DZIP3: variants seen among roughly 807,000 people sequenced by gnomAD.
The protein encoded by DZIP3 is E3 ubiquitin-protein ligase DZIP3.
DZIP3 carries 118 observed loss-of-function variants against 162.0 expected under a neutral mutation model. The ratio of observed to expected loss-of-function variants is 0.73; its 90% CI spans 0.63 to 0.85. The LOEUF is 0.85. Among genes scored for constraint, DZIP3 ranks in the 40% least tolerant of loss-of-function variants. The pLI, the probability that DZIP3 is intolerant of heterozygous loss-of-function variation, is 0.00. For missense variants in DZIP3, 1,331 were observed against 1,407.0 expected, an observed-to-expected ratio of 0.95 and a Z score of 0.86; for synonymous variants, 438 against 458.6, an observed-to-expected ratio of 0.96 and a Z score of 0.57.
chr3:108,600,459 G>T (rs1939945862), intron 1 of DZIP3, among the ~76,000 whole-genome samples: 1 of 152,062 alleles, frequency 6.6e-6, no homozygotes, highest in Non-Finnish European at 1.5e-5. Context: ...TAAAGTAGAT[G>T]TATATGTGCT....
rs1465537951 is a variant in DZIP3, at chr3:108,620,307, A to C, written c.375+3650A>C. ...GCATGTATCAAAATTCCACACTTCC[A>C]GAAGAAAATCCCAGGTGCTCAGCAT... On this transcript the variant is annotated intron_variant, in intron 5 of 32. Transcript: ENST00000361582. 2.0e-5 allele frequency among the ~76,000 whole-genome samples: 3 copies of C among 152,314 alleles called. No homozygotes were observed. In the South Asian group the frequency reaches 6.2e-4, roughly 32 times the overall value.
chr3:108,635,397 A>C (rs764073985), intron 10 of DZIP3: 1 of 309,316 alleles, frequency 3.2e-6, no homozygotes, highest in Non-Finnish European at 6.3e-6. Flanking sequence ...GTGAAGAACA[A>C]GGACAAATTT....
intron 5 of DZIP3, among the ~76,000 whole-genome samples, chr3:108,622,880 C>CTGTGTGTGTGTGTG (rs1553703883): frequency 9.4e-5 from 5 of 53,082 alleles, no homozygotes; most frequent in African/African-American, 3.1e-4. Flanking sequence ...CTCTCTCTCT[C>CTGTGTGTGTGTGTG]TGTGTGTGTG....
chr3:108,635,079 T>TC, intron 10 of DZIP3, 107 bp downstream of exon 10: 2 of 615,752 alleles, frequency 3.2e-6, no homozygotes, highest in Non-Finnish European at 5.5e-6. Context: ...CTCCTGCTTT[T>TC]TACTTCCTCC....
intron 11 of DZIP3, 48 bp downstream of exon 11, chr3:108,636,756 T>A (rs751979755): frequency 8.9e-6 from 12 of 1,351,058 alleles, no homozygotes; most frequent in Non-Finnish European, 1.1e-5. Flanking sequence ...TTTCCTTCCT[T>A]GGAAAAATAT....
At chr3:108,657,186 G>T (rs376267437) in intron 19 of DZIP3, among the ~76,000 whole-genome samples, 207 of 152,170 alleles carry the variant, frequency 1.4e-3, no homozygotes, top group African/African-American at 4.5e-3. Context: ...CACATAATTG[G>T]CAGATTCACC....
intron 8 of DZIP3, among the ~76,000 whole-genome samples, chr3:108,629,856 A>G (rs998111596): frequency 2.6e-5 from 4 of 151,666 alleles, no homozygotes; most frequent in African/African-American, 4.8e-5. Flanking sequence ...TCATTAGACT[A>G]TTATACAATG....
At position 108,647,275 on chromosome 3, in the gene DZIP3, CT is replaced by C. The variant is rs569067105; in HGVS notation, c.1792+633del. On this transcript the variant is annotated intron_variant, in intron 15 of 32. Coordinates refer to ENST00000361582, the MANE Select transcript of DZIP3 (RefSeq NM_014648.4). Reference sequence around the variant, plus strand: ...TCTGTCTATTGTTTATAGCTATATACTTTTTTTGCCAGGTGATAAGTTGTAA... The same window carrying C: ...TCTGTCTATTGTTTATAGCTATATACTTTTTTGCCAGGTGATAAGTTGTAA... Among the ~76,000 whole-genome samples the C allele has an allele frequency of 2.1e-3, 324 of 152,100 alleles. 2 individuals are homozygous for C. Among genetic ancestry groups the C allele is most frequent in the African/African-American group, 7.5e-3 (311 of 41,502 alleles).
intron 18 of DZIP3, among the ~76,000 whole-genome samples, chr3:108,653,005 A>T (rs1012692085): frequency 6.6e-6 from 1 of 151,966 alleles, no homozygotes; most frequent in Non-Finnish European, 1.5e-5. Context: ...ACTTTAAAAA[A>T]TTTAGGAATA....
At chr3:108,655,892 C>T (rs1943092165) in intron 19 of DZIP3, among the ~76,000 whole-genome samples, 1 of 152,194 alleles carries the variant, frequency 6.6e-6, no homozygotes. Flanking sequence ...TGGAGCCTCA[C>T]TCATTGCTAG....
chr3:108,634,293 C>T (rs1485802460), intron 9 of DZIP3, among the ~76,000 whole-genome samples: 1 of 152,060 alleles, frequency 6.6e-6, no homozygotes, highest in Non-Finnish European at 1.5e-5. Context: ...ATCAAATGAA[C>T]AACAGCATGC....
chr3:108,638,317 T>TTTTGTTTGTTTG (rs59900626), intron 12 of DZIP3, among the ~76,000 whole-genome samples: 30 of 151,828 alleles, frequency 2.0e-4, no homozygotes, highest in African/African-American at 4.3e-4. Context: ...ATTTAGGTTT[T>TTTTGTTTGTTTG]TTTGTTTGTT....
rs1944553285 is a variant in DZIP3 at position 108,687,973 on chromosome 3, C to T, written c.3150-3C>T. On this transcript the variant is annotated splice_region_variant and splice_polypyrimidine_tract_variant and intron_variant, in intron 28 of 32. Coordinates refer to ENST00000361582, the MANE Select transcript of DZIP3 (RefSeq NM_014648.4). ...GCCCTTTCCTTTCCTTGATCTCTTG[C>T]AGAAAGGAACTTACAGATTTCTTAC... 1.2e-6 allele frequency: 2 copies of T among 1,613,338 alleles called. No individual in the cohort carries two copies. Among genetic ancestry groups the T allele is most frequent in the Non-Finnish European group, 1.7e-6 (2 of 1,179,694 alleles).
At chr3:108,620,675 G>T (rs1225289747) in intron 5 of DZIP3, among the ~76,000 whole-genome samples, 1 of 152,088 alleles carries the variant, frequency 6.6e-6, no homozygotes, top group Admixed American at 6.5e-5. Context: ...CAGTAATTTT[G>T]CATAGACCAT....
intron 5 of DZIP3, among the ~76,000 whole-genome samples, chr3:108,620,458 G>T (rs927943744): frequency 6.6e-6 from 1 of 152,194 alleles, no homozygotes; most frequent in African/African-American, 2.4e-5. Context: ...ACTTAATAAG[G>T]ATAACAGCCT....
In DZIP3 at chr3:108,694,360, A is replaced by G. The variant is rs562859232; in HGVS notation, c.*1007A>G. 2 of 153,598 alleles carry G rather than the reference A, an allele frequency of 1.3e-5. No individual in the cohort carries two copies. Among genetic ancestry groups the G allele is most frequent in the East Asian group, 1.9e-4 (1 of 5,250 alleles). The allele number at this position is 153,598 out of a possible 1,614,324, so 9.5% of individuals were successfully genotyped here. On this transcript the variant is annotated 3_prime_UTR_variant, in exon 33 of 33. Coordinates refer to ENST00000361582, the MANE Select transcript of DZIP3 (RefSeq NM_014648.4). ...TATAGAGCCTTTAATCACCTTGTCTAGCACCTTGTATTAGTCCATTTTCAT... is the reference window on the plus strand; with the variant it reads ...TATAGAGCCTTTAATCACCTTGTCTGGCACCTTGTATTAGTCCATTTTCAT...
At chr3:108,608,274 T>A in intron 3 of DZIP3, 116 bp downstream of exon 3, 2 of 719,510 alleles carry the variant, frequency 2.8e-6, no homozygotes, top group Non-Finnish European at 4.6e-6. Flanking sequence ...TGAGTGAGCC[T>A]ACTTTCCTAC....
chr3:108,616,623 C>T lies in DZIP3; in HGVS notation c.341C>T (p.Ala114Val), dbSNP rs373181033. 72 of 1,605,744 alleles carry T rather than the reference C, an allele frequency of 4.5e-5. No individual in the cohort carries two copies. The highest frequency in any genetic ancestry group is 5.0e-5 in the Non-Finnish European group (59 of 1,176,344). Residue 114 changes from alanine (A) to valine (V), a missense_variant, in exon 5 of 33, where the codon GCA becomes GTA. By Grantham distance (64) the Ala-to-Val change is moderately conservative. Around this residue, in one of 2 missense-constraint regions of DZIP3, gnomAD observed 1,278 missense variants for 1,317.1 expected, o/e 0.97. Transcript: ENST00000361582. ...CGTTTCTTGATTACACAGCTAGAAG[C>T]AGCACTTAGGAACATTCAAGCTGGC... ...TLRFLITQLE[A>V]ALRNIQAGNY... is the part of the protein sequence containing the mutation.
Position 108,625,838 on chromosome 3 carries a change from A to T in DZIP3, c.457-7A>T. The T allele has an allele frequency of 3.8e-6, 6 of 1,580,876 alleles. No individual in the cohort carries two copies. Among genetic ancestry groups the T allele is most frequent in the Non-Finnish European group, 4.3e-6 (5 of 1,167,156 alleles). On this transcript the variant is annotated splice_polypyrimidine_tract_variant and splice_region_variant and intron_variant, in intron 6 of 32. Coordinates refer to ENST00000361582, the MANE Select transcript of DZIP3 (RefSeq NM_014648.4). ...CAGTAGCCAAACCTAGTTTTATGTT[A>T]CTACAGGATTATACAGAAGCTGAGA...
Sources: allele counts gnomAD v4.1 joint callset (sites outside exome capture counted in the v4.1 genomes callset), GRCh38; gene constraint gnomAD v4.1.1; regional missense constraint gnomAD v4.1.1; transcripts MANE v1.5; gene names NCBI Gene and HGNC (gene_info 2026-07-23, HGNC 2026-07-21).